Variants in SHPK observed in about 807,000 individuals in gnomAD.
SHPK encodes sedoheptulokinase.
SHPK carries 51 observed loss-of-function variants against 46.3 expected under a neutral mutation model. That is an observed-to-expected ratio of 1.10 (90% CI 0.88 to 1.39). The LOEUF is 1.39. Among genes scored for constraint, SHPK ranks in the 40% most tolerant of loss-of-function variants. The pLI, the probability that SHPK is intolerant of heterozygous loss-of-function variation, is 0.00. For missense variants in SHPK, 668 were observed against 641.3 expected, an observed-to-expected ratio of 1.04 and a Z score of -0.45; for synonymous variants, 290 against 273.9, an observed-to-expected ratio of 1.06 and a Z score of -0.58.
At chr17:3,630,999 G>C (rs2075467569) in intron 1 of SHPK, among the ~76,000 whole-genome samples, 1 of 152,208 alleles carries the variant, frequency 6.6e-6, no homozygotes, top group South Asian at 2.1e-4. Flanking sequence ...TCTGAAGGCT[G>C]AGTTCTCAGA....
chr17:3,635,194 G>GAAGGAAGGAAAA, intron 1 of SHPK, among the ~76,000 whole-genome samples: 1 of 53,630 alleles, frequency 1.9e-5, no homozygotes, highest in East Asian at 6.0e-4. Flanking sequence ...AGGAAAGAAT[G>GAAGGAAGGAAAA]AAGGAAGGAA....
intron 6 of SHPK, among the ~76,000 whole-genome samples, chr17:3,614,250 C>T (rs113014972): frequency 0.022 from 3,419 of 152,270 alleles, 150 homozygotes; most frequent in African/African-American, 0.078. Flanking sequence ...TCAGGGCGAG[C>T]GCAGTGGCTC....
At chr17:3,612,154 C>T (rs1227826638) in intron 6 of SHPK, among the ~76,000 whole-genome samples, 1 of 151,306 alleles carries the variant, frequency 6.6e-6, no homozygotes, top group African/African-American at 2.4e-5. Flanking sequence ...AGGCCAAGCG[C>T]GGTGGCTTAC....
chr17:3,625,570 C>T (rs536641135), intron 2 of SHPK, among the ~76,000 whole-genome samples: 6 of 152,262 alleles, frequency 3.9e-5, no homozygotes, highest in East Asian at 1.9e-4. Flanking sequence ...GTAAAGCCAC[C>T]GTGACCCCCT....
At position 3,610,952 on chromosome 17, in the gene SHPK, TG is replaced by T. The variant is rs747935748; in HGVS notation, c.1044del (p.Thr349LeufsTer6). The T allele has an allele frequency of 2.7e-5, 43 of 1,607,794 alleles. 2 individuals are homozygous for T. In the South Asian group the frequency reaches 4.7e-4, roughly 18 times the overall value. ...GCCTGAATCATGCGTGAATACACAG[TG>T]GATTCTTCAACCTCCAGGCCTGCCA... is the stretch of plus-strand genomic sequence containing the variant. ...MADLGLEVEESTVYSRMIQAA... is the reference protein window; with the variant it reads ...MADLGLEVEEXTVYSRMIQAA... On this transcript the variant is annotated frameshift_variant, in exon 7 of 7. Coordinates refer to ENST00000225519, the MANE Select transcript of SHPK (RefSeq NM_013276.4). LOFTEE classifies it high-confidence loss of function.
At chr17:3,633,863 G>A (rs1010238750) in intron 1 of SHPK, among the ~76,000 whole-genome samples, 2 of 152,026 alleles carry the variant, frequency 1.3e-5, no homozygotes, top group African/African-American at 4.8e-5. Context: ...AAATCGGATG[G>A]TTGCTGTGTC....
chr17:3,636,023 G>A, intron 1 of SHPK, 29 bp downstream of exon 1: 4 of 1,513,820 alleles, frequency 2.6e-6, no homozygotes, highest in Non-Finnish European at 3.5e-6. Flanking sequence ...GGCTCCTGGA[G>A]GCGGCGCGGC....
intron 2 of SHPK, among the ~76,000 whole-genome samples, 155 bp from the exon 3 acceptor site, chr17:3,624,386 G>C (rs16953312): frequency 0.11 from 16,028 of 152,196 alleles, 2,839 homozygotes; most frequent in African/African-American, 0.36. Context: ...ACTGGCTTTA[G>C]TACTTGGCTC....
intron 5 of SHPK, 135 bp from the exon 6 acceptor site, chr17:3,615,672 G>A (rs903026031): frequency 1.6e-6 from 1 of 629,880 alleles, no homozygotes; most frequent in Non-Finnish European, 2.8e-6. Context: ...GTGAGAGGGG[G>A]TGGCCTGTCA....
intron 6 of SHPK, among the ~76,000 whole-genome samples, chr17:3,613,273 T>C (rs2075351480): frequency 6.6e-6 from 1 of 152,078 alleles, no homozygotes. Context: ...GTCCAATAAA[T>C]CAGCATTTCT....
intron 2 of SHPK, 33 bp downstream of exon 2, chr17:3,630,172 A>G: frequency 6.2e-7 from 1 of 1,613,308 alleles, no homozygotes; most frequent in Non-Finnish European, 8.5e-7. Flanking sequence ...AGTGACTGCT[A>G]CCAGCCTGAG....
At chr17:3,622,476 T>G in intron 4 of SHPK, 5 of 503,800 alleles carry the variant, frequency 9.9e-6, no homozygotes, top group African/African-American at 4.2e-5. Context: ...ATATCAAACG[T>G]GTTAGTCACT....
chr17:3,630,060 G>A, intron 2 of SHPK, 145 bp downstream of exon 2: 2 of 977,440 alleles, frequency 2.0e-6, no homozygotes, highest in East Asian at 2.4e-5. Flanking sequence ...CACGCAGGAG[G>A]CAGCACGTAT....
intron 1 of SHPK, among the ~76,000 whole-genome samples, 175 bp from the exon 2 acceptor site, chr17:3,630,521 TGG>T: frequency 6.6e-6 from 1 of 152,146 alleles, no homozygotes; most frequent in Non-Finnish European, 1.5e-5. Context: ...TGCCCTCCAC[TGG>T]GGTCAGACTC....
intron 2 of SHPK, among the ~76,000 whole-genome samples, chr17:3,625,811 G>A (rs150706092): frequency 3.3e-5 from 5 of 152,316 alleles, no homozygotes; most frequent in East Asian, 1.9e-4. Flanking sequence ...CCAGCACTTC[G>A]GGAGGCCAAG....
chr17:3,624,493 A>T (rs774224149), intron 2 of SHPK, among the ~76,000 whole-genome samples: 1 of 151,988 alleles, frequency 6.6e-6, no homozygotes, highest in East Asian at 1.9e-4. Flanking sequence ...AGTTGATATC[A>T]TATCTCCCCA....
chr17:3,613,705 G>T (rs1332788343), intron 6 of SHPK, among the ~76,000 whole-genome samples: 1 of 151,978 alleles, frequency 6.6e-6, no homozygotes, highest in Non-Finnish European at 1.5e-5. Flanking sequence ...TCTTTCTTTA[G>T]TAAAAGTTCA....
chr17:3,633,769 C>T (rs2075488322), intron 1 of SHPK, among the ~76,000 whole-genome samples: 1 of 152,026 alleles, frequency 6.6e-6, no homozygotes, highest in African/African-American at 2.4e-5. Context: ...GGGTAGTGTA[C>T]CCAACAGCTC....
At chr17:3,617,302 C>A (rs1347017892) in intron 5 of SHPK, among the ~76,000 whole-genome samples, 1 of 152,160 alleles carries the variant, frequency 6.6e-6, no homozygotes, top group Non-Finnish European at 1.5e-5. Flanking sequence ...CTTCCTGCTG[C>A]ACATTGGGAG....
Sources: gnomAD v4.1 joint callset for allele counts (sites outside exome capture counted in the v4.1 genomes callset) on GRCh38, gnomAD v4.1.1 for gene constraint, MANE v1.5 for transcripts, NCBI Gene and HGNC (gene_info 2026-07-23, HGNC 2026-07-21) for gene names.